Variants in ARHGAP15 observed in about 807,000 individuals in gnomAD.
ARHGAP15 encodes rho GTPase-activating protein 15.
Under a neutral mutation model 63.7 loss-of-function variants are expected in ARHGAP15, and 51 were observed. That is an observed-to-expected ratio of 0.80 (90% CI 0.64 to 1.01). The LOEUF (loss-of-function observed/expected upper bound fraction) is 1.01, where lower values mean the gene tolerates loss of function less well. ARHGAP15 is among the 50% of genes least tolerant of loss of function. ARHGAP15 has a pLI of 0.00. For missense variants in ARHGAP15, 560 were observed against 564.6 expected, an observed-to-expected ratio of 0.99 and a Z score of 0.08; for synonymous variants, 191 against 193.8, an observed-to-expected ratio of 0.99 and a Z score of 0.12.
intron 7 of ARHGAP15, 92 bp from the exon 8 acceptor site, chr2:143,436,821 T>G: frequency 7.4e-7 from 1 of 1,358,188 alleles, no homozygotes; most frequent in South Asian, 1.3e-5. Context: ...TACTTCAAAT[T>G]TCCCCATAAA....
chr2:143,249,026 C>A (rs1679994685), intron 5 of ARHGAP15, among the ~76,000 whole-genome samples: 1 of 152,118 alleles, frequency 6.6e-6, no homozygotes, highest in Admixed American at 6.5e-5. Context: ...AATTTTTCTA[C>A]ATCATAAATC....
At chr2:143,206,411 G>C (rs1439295425) in intron 3 of ARHGAP15, among the ~76,000 whole-genome samples, 2 of 152,132 alleles carry the variant, frequency 1.3e-5, no homozygotes, top group African/African-American at 4.8e-5. Flanking sequence ...CCTAACATTT[G>C]TAGTGAAAGC....
At position 143,768,112 on chromosome 2, in the gene ARHGAP15, C is replaced by G. The variant is rs373251922; in HGVS notation, c.1368C>G (p.Asn456Lys). 4.3e-6 allele frequency: 7 copies of G among 1,613,824 alleles called. No individual in the cohort carries two copies. Among genetic ancestry groups the G allele is most frequent in the Non-Finnish European group, 5.9e-6 (7 of 1,179,810 alleles). Reference sequence around the variant, plus strand: ...TGGCGATCCACATGGTCTACCAGAACCAGATAGCTGAGCTCATGCTGAGTG... The same window carrying G: ...TGGCGATCCACATGGTCTACCAGAAGCAGATAGCTGAGCTCATGCTGAGTG... ...GNMAIHMVYQ[N>K]QIAELMLSEY... The change falls in exon 14 of 14, where the codon AAC (asparagine) becomes AAG (lysine). Residue 456 changes from asparagine to lysine, a missense_variant. Transcript: ENST00000295095.
At chr2:143,516,461 A>G (rs1275677221) in intron 9 of ARHGAP15, among the ~76,000 whole-genome samples, 2 of 152,038 alleles carry the variant, frequency 1.3e-5, no homozygotes, top group African/African-American at 2.4e-5. Context: ...ACTAAAGGAC[A>G]TTTTTCTTAG....
At chr2:143,315,946 C>T (rs766263040) in intron 6 of ARHGAP15, among the ~76,000 whole-genome samples, 163 of 151,920 alleles carry the variant, frequency 1.1e-3, no homozygotes, top group Non-Finnish European at 5.3e-4. Flanking sequence ...ATTAGCTGGG[C>T]GTGGTGGTGC....
intron 12 of ARHGAP15, among the ~76,000 whole-genome samples, chr2:143,645,948 A>G (rs1411947665): frequency 6.6e-6 from 1 of 152,148 alleles, no homozygotes; most frequent in South Asian, 2.1e-4. Flanking sequence ...AGCAAAACAC[A>G]TGAAGTGGTT....
chr2:143,630,756 T>C (rs1699032709), intron 12 of ARHGAP15, among the ~76,000 whole-genome samples: 1 of 152,146 alleles, frequency 6.6e-6, no homozygotes, highest in African/African-American at 2.4e-5. Flanking sequence ...CATATACTCC[T>C]TCCCACCCTT....
intron 9 of ARHGAP15, among the ~76,000 whole-genome samples, chr2:143,493,469 A>G (rs1487403359): frequency 6.6e-6 from 1 of 152,186 alleles, no homozygotes; most frequent in Non-Finnish European, 1.5e-5. Context: ...CTTATGCTCT[A>G]TCATTTGCTT....
chr2:143,197,141 A>G (rs1203004593), intron 2 of ARHGAP15, among the ~76,000 whole-genome samples: 2 of 151,966 alleles, frequency 1.3e-5, no homozygotes, highest in Non-Finnish European at 2.9e-5. Context: ...AATTTAAACT[A>G]CTGTTTAAAA....
Position 143,517,709 on chromosome 2 carries a change from G to A in ARHGAP15, c.827-1557G>A, listed in dbSNP as rs1299294069. ...ATGTGCTCTAAGAAATGTAAGGCTGGGAAAGTGGCATAGAGAATGGCATGG... is the reference window on the plus strand; with the variant it reads ...ATGTGCTCTAAGAAATGTAAGGCTGAGAAAGTGGCATAGAGAATGGCATGG... On this transcript the variant is annotated intron_variant, in intron 9 of 13. Coordinates refer to ENST00000295095, the MANE Select transcript of ARHGAP15 (RefSeq NM_018460.4). Among the ~76,000 whole-genome samples the A allele has an allele frequency of 2.0e-5, 3 of 152,172 alleles. No individual in the cohort carries two copies. The East Asian group carries it at 5.8e-4, about 29-fold the overall frequency.
At chr2:143,441,747 G>A (rs1689894103) in intron 8 of ARHGAP15, among the ~76,000 whole-genome samples, 2 of 152,130 alleles carry the variant, frequency 1.3e-5, no homozygotes. Flanking sequence ...AAATGAACAT[G>A]AGTTAGAAGA....
chr2:143,751,005 A>T (rs1246616844), intron 13 of ARHGAP15, among the ~76,000 whole-genome samples: 1 of 152,160 alleles, frequency 6.6e-6, no homozygotes, highest in Non-Finnish European at 1.5e-5. Context: ...CCCTTTCATG[A>T]GCCAGCTCTA....
At chr2:143,150,581 G>A (rs1331533704) in intron 1 of ARHGAP15, among the ~76,000 whole-genome samples, 1 of 152,000 alleles carries the variant, frequency 6.6e-6, no homozygotes, top group Non-Finnish European at 1.5e-5. Context: ...GAAGTCTAGA[G>A]AATAGTGAAG....
intron 6 of ARHGAP15, among the ~76,000 whole-genome samples, chr2:143,291,592 G>C (rs926490649): frequency 3.3e-5 from 5 of 152,112 alleles, no homozygotes; most frequent in African/African-American, 1.2e-4. Flanking sequence ...CCCAACAGCA[G>C]GCCAGGAGGC....
At chr2:143,622,404 A>G (rs1050452631) in intron 11 of ARHGAP15, among the ~76,000 whole-genome samples, 1 of 152,112 alleles carries the variant, frequency 6.6e-6, no homozygotes, top group African/African-American at 2.4e-5. Context: ...AGATTTCAAC[A>G]ATGTGAAAAC....
At chr2:143,476,837 C>A (rs1462339618) in intron 8 of ARHGAP15, among the ~76,000 whole-genome samples, 3 of 152,142 alleles carry the variant, frequency 2.0e-5, no homozygotes, top group Admixed American at 6.6e-5. Flanking sequence ...CATTGTGAAA[C>A]CTTTTTGCTG....
chr2:143,212,662 C>G (rs1558817251), intron 3 of ARHGAP15, among the ~76,000 whole-genome samples: 1 of 152,128 alleles, frequency 6.6e-6, no homozygotes, highest in Non-Finnish European at 1.5e-5. Context: ...ATTTATAGAT[C>G]ATTGTCCCTT....
chr2:143,382,374 CA>C (rs893665415), intron 6 of ARHGAP15, among the ~76,000 whole-genome samples: 1 of 152,108 alleles, frequency 6.6e-6, no homozygotes, highest in African/African-American at 2.4e-5. Flanking sequence ...GGACAGCTGC[CA>C]ATCTTTGACA....
chr2:143,303,148 CA>C (rs1477860222), intron 6 of ARHGAP15, among the ~76,000 whole-genome samples: 1 of 151,850 alleles, frequency 6.6e-6, no homozygotes, highest in South Asian at 2.1e-4. Context: ...CAACAAAAGC[CA>C]AAATTGACAA....
Sources: gnomAD v4.1 joint callset for allele counts (sites outside exome capture counted in the v4.1 genomes callset) on GRCh38, gnomAD v4.1.1 for gene constraint, MANE v1.5 for transcripts, NCBI Gene and HGNC (gene_info 2026-07-23, HGNC 2026-07-21) for gene names.